SPOCK3: variants seen among roughly 807,000 people sequenced by gnomAD.
The protein encoded by SPOCK3 is SPARC (osteonectin), cwcv and kazal like domains proteoglycan 3, also known as testican-3.
Under a neutral mutation model 56.6 loss-of-function variants are expected in SPOCK3, and 30 were observed. The observed-to-expected ratio is 0.53, with a 90% confidence interval of 0.40 to 0.72. The LOEUF (loss-of-function observed/expected upper bound fraction) is 0.72, where lower values mean the gene tolerates loss of function less well. Among genes scored for constraint, SPOCK3 ranks in the 30% least tolerant of loss-of-function variants. The pLI is 0.00. For synonymous variants in SPOCK3, 196 were observed against 183.3 expected, an observed-to-expected ratio of 1.07 and a Z score of -0.56; for missense variants, 527 against 530.0, an observed-to-expected ratio of 0.99 and a Z score of 0.06.
At chr4:166,815,302 TAATTACA>T (rs143299837) in intron 6 of SPOCK3, among the ~76,000 whole-genome samples, 8,927 of 152,046 alleles carry the variant, frequency 0.059, 563 homozygotes, top group African/African-American at 0.15. Flanking sequence ...CAAAACTGTA[TAATTACA>T]AAAAGTGAAT....
intron 2 of SPOCK3, among the ~76,000 whole-genome samples, chr4:167,105,740 C>A (rs1760067766): frequency 6.6e-6 from 1 of 151,366 alleles, no homozygotes; most frequent in South Asian, 2.1e-4. Flanking sequence ...CTGTTGCCTA[C>A]AAGGAACATG....
At chr4:167,130,764 A>T (rs184176058) in intron 2 of SPOCK3, among the ~76,000 whole-genome samples, 16 of 152,320 alleles carry the variant, frequency 1.1e-4, no homozygotes, top group Non-Finnish European at 1.9e-4. Context: ...TCTTACAGTC[A>T]ATCAGAATAT....
At chr4:166,972,481 C>A (rs867371889) in intron 4 of SPOCK3, among the ~76,000 whole-genome samples, 11 of 152,210 alleles carry the variant, frequency 7.2e-5, no homozygotes, top group Admixed American at 5.9e-4. Context: ...AAAAGAACAT[C>A]ACCCACTTTT....
chr4:167,058,360 G>A (rs1041009379), intron 3 of SPOCK3, among the ~76,000 whole-genome samples: 3 of 152,000 alleles, frequency 2.0e-5, no homozygotes, highest in Non-Finnish European at 2.9e-5. Flanking sequence ...CCAATAACAG[G>A]CAAACAGAAA....
At chr4:167,033,990 A>C (rs1224486713) in intron 3 of SPOCK3, among the ~76,000 whole-genome samples, 1 of 152,074 alleles carries the variant, frequency 6.6e-6, no homozygotes, top group African/African-American at 2.4e-5. Flanking sequence ...TCAGAGTCCT[A>C]TCCCACAGAA....
chr4:167,051,343 A>T (rs1754180248), intron 3 of SPOCK3, among the ~76,000 whole-genome samples: 1 of 152,170 alleles, frequency 6.6e-6, no homozygotes, highest in African/African-American at 2.4e-5. Flanking sequence ...CTTTCTATGT[A>T]TGTCCAGAGT....
intron 6 of SPOCK3, among the ~76,000 whole-genome samples, chr4:166,809,831 CA>C: frequency 6.6e-6 from 1 of 152,026 alleles, no homozygotes; most frequent in Non-Finnish European, 1.5e-5. Flanking sequence ...ACATCAACAT[CA>C]GACAAGCCCA....
At position 166,985,210 on chromosome 4, in the gene SPOCK3, TAAGAAA is replaced by T. The variant is rs202037760; in HGVS notation, c.350+15133_350+15138del. 8.7e-3 allele frequency among the ~76,000 whole-genome samples: 1,324 copies of T among 152,214 alleles called. 18 individuals are homozygous for T. The highest frequency in any genetic ancestry group is 0.03 in the African/African-American group (1,236 of 41,544). ...CTTTGGATTGTTTGAAACCAGAACCTAAGAAATCCTCCACAATGAAAATTCAACATT... is the reference window on the plus strand; with the variant it reads ...CTTTGGATTGTTTGAAACCAGAACCTTCCTCCACAATGAAAATTCAACATT... On this transcript the variant is annotated intron_variant, in intron 4 of 10. Coordinates refer to ENST00000357545, the MANE Select transcript of SPOCK3 (RefSeq NM_001040159.2).
intron 6 of SPOCK3, among the ~76,000 whole-genome samples, chr4:166,846,588 T>C (rs1030352451): frequency 3.3e-5 from 5 of 152,094 alleles, no homozygotes; most frequent in Admixed American, 6.5e-5. Flanking sequence ...TGTCAGACAG[T>C]TGGTAAAATA....
chr4:167,117,162 T>A (rs1443357829), intron 2 of SPOCK3, among the ~76,000 whole-genome samples: 1 of 151,968 alleles, frequency 6.6e-6, no homozygotes, highest in African/African-American at 2.4e-5. Context: ...ACACATTGTA[T>A]GCTTGTATCA....
At chr4:166,812,008 A>C (rs893681750) in intron 6 of SPOCK3, among the ~76,000 whole-genome samples, 17 of 151,972 alleles carry the variant, frequency 1.1e-4, no homozygotes, top group Non-Finnish European at 1.9e-4. Context: ...TGTTTTGCTC[A>C]TTTTGTTGCA....
chr4:166,875,747 A>G (rs1366694064), intron 6 of SPOCK3, among the ~76,000 whole-genome samples: 3 of 152,228 alleles, frequency 2.0e-5, no homozygotes, highest in Non-Finnish European at 4.4e-5. Context: ...ACCAGACAGG[A>G]CTGGACTGGA....
intron 2 of SPOCK3, among the ~76,000 whole-genome samples, chr4:167,112,035 C>T (rs1021207097): frequency 6.6e-6 from 1 of 152,142 alleles, no homozygotes; most frequent in Non-Finnish European, 1.5e-5. Context: ...GCTGGGATTA[C>T]AGGCATGAGC....
At chr4:167,230,572 CTTATT>C (rs142911488) in intron 2 of SPOCK3, among the ~76,000 whole-genome samples, 4,180 of 147,832 alleles carry the variant, frequency 0.028, 211 homozygotes, top group African/African-American at 0.097. Context: ...TGAGGGAGTT[CTTATT>C]TTATTTTATT....
At chr4:167,056,416 A>G (rs959612274) in intron 3 of SPOCK3, among the ~76,000 whole-genome samples, 4 of 152,230 alleles carry the variant, frequency 2.6e-5, no homozygotes, top group Non-Finnish European at 4.4e-5. Context: ...CTCACCAGCA[A>G]TGGAACAAAG....
At chr4:166,749,654 A>G (rs78482335) in intron 8 of SPOCK3, among the ~76,000 whole-genome samples, 69,612 of 151,654 alleles carry the variant, frequency 0.46, 16,501 homozygotes, top group African/African-American at 0.51. Context: ...AAAAAAAAAT[A>G]AAAATAAAAT....
intron 2 of SPOCK3, among the ~76,000 whole-genome samples, chr4:167,097,541 AT>A (rs926726175): frequency 6.6e-6 from 1 of 151,710 alleles, no homozygotes; most frequent in South Asian, 2.1e-4. Context: ...CTTACAATTA[AT>A]TTTTTTTAAT....
chr4:167,147,504 T>C (rs1204833568), intron 2 of SPOCK3, among the ~76,000 whole-genome samples: 1 of 152,146 alleles, frequency 6.6e-6, no homozygotes, highest in Non-Finnish European at 1.5e-5. Flanking sequence ...TAAAGACACA[T>C]GCACACGTAT....
chr4:166,981,826 C>T (rs1004517404), intron 4 of SPOCK3, among the ~76,000 whole-genome samples: 3 of 152,162 alleles, frequency 2.0e-5, no homozygotes, highest in East Asian at 3.9e-4. Context: ...GACTCAGCAC[C>T]CCTGGCCTCT....
Sources: allele counts gnomAD v4.1 joint callset (sites outside exome capture counted in the v4.1 genomes callset), GRCh38; gene constraint gnomAD v4.1.1; transcripts MANE v1.5; gene names NCBI Gene and HGNC (gene_info 2026-07-23, HGNC 2026-07-21).